The following DOCK10 variants were observed in gnomAD, a reference collection of about 807,000 sequenced individuals.
DOCK10 encodes dedicator of cytokinesis protein 10.
In DOCK10, 145 loss-of-function variants were observed where a neutral mutation model predicts 280.1. That is an observed-to-expected ratio of 0.52 (90% CI 0.45 to 0.59). DOCK10 has a LOEUF of 0.59. Among genes scored for constraint, DOCK10 ranks in the 20% least tolerant of loss-of-function variants. The pLI, the probability that DOCK10 is intolerant of heterozygous loss-of-function variation, is 0.00. For synonymous variants in DOCK10, 915 were observed against 942.2 expected (o/e 0.97, Z 0.53); for missense variants, 2,368 against 2,651.7 (o/e 0.89, Z 2.35).
intron 45 of DOCK10, 42 bp downstream of exon 45, chr2:224,794,837 A>C (rs753977066): frequency 1.3e-6 from 2 of 1,588,986 alleles, no homozygotes; most frequent in Non-Finnish European, 1.7e-6. Flanking sequence ...CCTGATAAAG[A>C]GGACAATACT....
rs375928291 is a variant in DOCK10 at position 224,794,942 on chromosome 2, T to C, written c.5091A>G (p.Glu1697=). 1.2e-6 allele frequency: 2 copies of C among 1,613,944 alleles called. No individual in the cohort carries two copies. Among genetic ancestry groups the C allele is most frequent in the South Asian group, 1.1e-5 (1 of 91,074 alleles). Residue 1697 remains glutamate (E), a synonymous_variant, in exon 45 of 56, where the codon GAA becomes GAG. Transcript: ENST00000258390. ...SLANSYASTP[E]LRRTWLESMA... is the part of the protein sequence containing the mutation. The stretch of plus-strand genomic sequence containing the variant: ...TACTTTCCAGCCAGGTCCTGCGTAG[T>C]TCAGGAGTGCTTGCGTAGGAGTTTG...
chr2:224,773,042 T>C, intron 53 of DOCK10, 115 bp downstream of exon 53: 1 of 965,768 alleles, frequency 1.0e-6, no homozygotes, highest in Non-Finnish European at 1.5e-6. Context: ...AAAGGTGTTC[T>C]ATTCTCACAA....
At chr2:224,778,535 T>C in intron 50 of DOCK10, 1 of 495,034 alleles carries the variant, frequency 2.0e-6, no homozygotes, top group Non-Finnish European at 3.7e-6. Context: ...CTTACAAATA[T>C]TATTTTCTCT....
rs1307285101 is a variant in DOCK10 at position 224,784,847 on chromosome 2, T to C, written c.5655+2175A>G. 4 of 1,079,870 alleles carry C rather than the reference T, an allele frequency of 3.7e-6. No homozygotes were observed. The Admixed American group carries it at 7.0e-5, about 19-fold the overall frequency. The allele number at this position is 1,079,870 out of a possible 1,614,324, so 66.9% of individuals were successfully genotyped here. ...TACCTGCTTTAGAGCCCATATCTCA[T>C]ATATTGGTTGCAGAAACCATCTGGT... On this transcript the variant is annotated intron_variant, in intron 50 of 55. Coordinates refer to ENST00000258390, the MANE Select transcript of DOCK10 (RefSeq NM_014689.3).
intron 1 of DOCK10, among the ~76,000 whole-genome samples, chr2:224,968,117 A>G (rs1704880712): frequency 6.6e-6 from 1 of 152,220 alleles, no homozygotes; most frequent in Non-Finnish European, 1.5e-5. Flanking sequence ...AAACAATGTT[A>G]AATTTAAGCC....
Position 224,795,044 on chromosome 2 carries a change from A to C in DOCK10, c.4989T>G (p.Thr1663=). 6.2e-7 allele frequency: 1 copy of C among 1,613,968 alleles called. No individual in the cohort carries two copies. The highest frequency in any genetic ancestry group is 8.5e-7 in the Non-Finnish European group (1 of 1,179,862). Residue 1663 remains threonine, a synonymous_variant, in exon 45 of 56, where the codon ACT becomes ACG. Coordinates refer to ENST00000258390, the MANE Select transcript of DOCK10 (RefSeq NM_014689.3). ...TCATCTGAGCTGTGGCCATCAAAAC[A>C]GTCCTTATACGCTTAGTCAGGTCCT... ...EVKDLTKRIR[T]VLMATAQMKE... is the part of the protein sequence containing the mutation.
intron 4 of DOCK10, among the ~76,000 whole-genome samples, chr2:224,893,908 T>G (rs1423547111): frequency 9.9e-5 from 15 of 152,244 alleles, no homozygotes; most frequent in African/African-American, 3.6e-4. Context: ...ATTACTGACC[T>G]AAATACATGT....
chr2:224,983,361 G>A (rs1408474659), intron 1 of DOCK10: 4 of 178,844 alleles, frequency 2.2e-5, no homozygotes, highest in African/African-American at 4.8e-5. Flanking sequence ...AAAGGGAATA[G>A]GGCAGCTGGA....
intron 8 of DOCK10, among the ~76,000 whole-genome samples, chr2:224,875,257 T>A (rs112000971): frequency 0.012 from 1,858 of 152,294 alleles, 45 homozygotes; most frequent in African/African-American, 0.042. Context: ...AAATCAGCAA[T>A]AGTTTTTTTC....
intron 23 of DOCK10, 56 bp from the exon 24 acceptor site, chr2:224,840,128 A>G (rs1188362786): frequency 1.3e-6 from 1 of 779,600 alleles, no homozygotes; most frequent in African/African-American, 1.7e-5. Context: ...CATGTCCTAC[A>G]TTCAAGACCT....
intron 1 of DOCK10, among the ~76,000 whole-genome samples, chr2:224,965,498 C>A (rs1208795570): frequency 1.8e-4 from 27 of 152,126 alleles, no homozygotes; most frequent in Non-Finnish European, 5.9e-5. Flanking sequence ...TCTTCTTTAT[C>A]CCTCTATTGA....
chr2:224,774,870 G>A, intron 52 of DOCK10, 35 bp downstream of exon 52: 3 of 1,549,348 alleles, frequency 1.9e-6, no homozygotes, highest in Non-Finnish European at 2.6e-6. Flanking sequence ...TGCTGGAACA[G>A]GTGCCACATG....
chr2:224,854,996 T>C lies in DOCK10; in HGVS notation c.1855A>G (p.Ile619Val), dbSNP rs770602568. 14 of 1,610,876 alleles carry C rather than the reference T, an allele frequency of 8.7e-6. No individual in the cohort carries two copies. In the South Asian group the frequency reaches 1.5e-4, roughly 18 times the overall value. ...KMQTIPGSLD[I>V]AVDNVPLEHP... ...TCCAAGGGAACGTTGTCAACAGCAATATCCAGGCTTCCAGGAATGGTCTGC... is the reference window on the plus strand; with the variant it reads ...TCCAAGGGAACGTTGTCAACAGCAACATCCAGGCTTCCAGGAATGGTCTGC... The change falls in exon 16 of 56, where the codon ATT becomes GTT. Residue 619 changes from isoleucine (I) to valine (V), a missense_variant. By Grantham distance (29) the Ile-to-Val change is conservative. Transcript: ENST00000258390.
chr2:225,014,582 C>CT (rs896460264), intron 1 of DOCK10, among the ~76,000 whole-genome samples: 1 of 151,512 alleles, frequency 6.6e-6, no homozygotes, highest in Non-Finnish European at 1.5e-5. Context: ...TTATTTGTGT[C>CT]TTTTTTTTCC....
At chr2:225,037,466 T>C (rs1365081041) in intron 1 of DOCK10, among the ~76,000 whole-genome samples, 1 of 152,172 alleles carries the variant, frequency 6.6e-6, no homozygotes, top group Admixed American at 6.5e-5. Context: ...CAGCTACTCA[T>C]ATCCACCGAT....
At chr2:224,872,052 T>C (rs985263534) in intron 11 of DOCK10, among the ~76,000 whole-genome samples, 1 of 152,186 alleles carries the variant, frequency 6.6e-6, no homozygotes, top group Middle Eastern at 3.2e-3. Flanking sequence ...TAAACCTGAC[T>C]TCAACTACTT....
chr2:224,801,842 G>A, intron 40 of DOCK10, 74 bp downstream of exon 40: 6 of 1,472,050 alleles, frequency 4.1e-6, no homozygotes, highest in Non-Finnish European at 5.6e-6. Context: ...TGTGGTTTTA[G>A]TGCATTTCAT....
chr2:224,783,981 A>C (rs1219102465), intron 50 of DOCK10, among the ~76,000 whole-genome samples: 3 of 152,220 alleles, frequency 2.0e-5, no homozygotes, highest in Non-Finnish European at 4.4e-5. Flanking sequence ...CCATTTTTGT[A>C]CATAAAAAAG....
chr2:224,800,453 G>A (rs1692905975), intron 40 of DOCK10, among the ~76,000 whole-genome samples, 190 bp from the exon 41 acceptor site: 1 of 152,162 alleles, frequency 6.6e-6, no homozygotes, highest in Non-Finnish European at 1.5e-5. Flanking sequence ...TTTAGTGTGT[G>A]TGCCCTTTCC....
Sources: allele counts gnomAD v4.1 joint callset (sites outside exome capture counted in the v4.1 genomes callset), GRCh38; gene constraint gnomAD v4.1.1; transcripts MANE v1.5; gene names NCBI Gene and HGNC (gene_info 2026-07-23, HGNC 2026-07-21).